The following STK32B variants were observed in gnomAD, a reference collection of about 807,000 sequenced individuals.
The protein encoded by STK32B is serine/threonine-protein kinase 32B.
STK32B carries 43 observed loss-of-function variants against 52.6 expected under a neutral mutation model. The ratio of observed to expected loss-of-function variants is 0.82; its 90% confidence interval spans 0.64 to 1.05. The LOEUF is 1.05. Ranked by LOEUF, STK32B falls within the 50% of genes least tolerant of loss-of-function variation. The probability of loss-of-function intolerance (pLI) is 0.00; values close to 1 mark genes in which losing one functional copy is unlikely to be tolerated. For synonymous variants in STK32B, 238 were observed against 204.3 expected (o/e 1.17, Z -1.41); for missense variants, 621 against 534.6 (o/e 1.16, Z -1.59).
intron 3 of STK32B, among the ~76,000 whole-genome samples, chr4:5,276,491 C>T (rs1280652942): frequency 2.0e-5 from 3 of 151,998 alleles, no homozygotes; most frequent in African/African-American, 4.8e-5. Context: ...TGTGATGTTT[C>T]CAGTGTCTCT....
At chr4:5,124,269 G>C (rs551292326) in intron 1 of STK32B, among the ~76,000 whole-genome samples, 3 of 152,288 alleles carry the variant, frequency 2.0e-5, no homozygotes, top group Non-Finnish European at 2.9e-5. Flanking sequence ...GTGAGCAAAA[G>C]GTTTCACTGG....
chr4:5,249,284 G>C (rs907702807), intron 3 of STK32B, among the ~76,000 whole-genome samples: 10 of 152,080 alleles, frequency 6.6e-5, no homozygotes, highest in African/African-American at 2.4e-4. Flanking sequence ...GATATATATA[G>C]AACGGGGTTC....
chr4:5,208,130 C>G (rs573967214), intron 3 of STK32B, among the ~76,000 whole-genome samples: 1 of 152,090 alleles, frequency 6.6e-6, no homozygotes, highest in Non-Finnish European at 1.5e-5. Flanking sequence ...CTCTGCTCAC[C>G]AGGTGATTCA....
At chr4:5,341,644 G>C (rs1041976952) in intron 4 of STK32B, among the ~76,000 whole-genome samples, 1 of 152,180 alleles carries the variant, frequency 6.6e-6, no homozygotes, top group Non-Finnish European at 1.5e-5. Flanking sequence ...ATGAGACTGA[G>C]TAATTTATAA....
intron 3 of STK32B, among the ~76,000 whole-genome samples, chr4:5,313,139 C>A (rs925480520): frequency 6.7e-6 from 1 of 150,294 alleles, no homozygotes; most frequent in African/African-American, 2.4e-5. Context: ...TTTGCTCCAA[C>A]CTATTATCAA....
At chr4:5,166,995 A>AAGGAACCAATACAG (rs1577131339) in intron 2 of STK32B, among the ~76,000 whole-genome samples, 5 of 152,244 alleles carry the variant, frequency 3.3e-5, no homozygotes, top group South Asian at 2.1e-4. Flanking sequence ...CTAACTGTCC[A>AAGGAACCAATACAG]TGCCACATGT....
Position 5,454,430 on chromosome 4 carries a change from T to C in STK32B, c.667-2377T>C, listed in dbSNP as rs557509286. 3.3e-5 allele frequency among the ~76,000 whole-genome samples: 5 copies of C among 152,222 alleles called. No individual in the cohort carries two copies. In the East Asian group the frequency reaches 9.7e-4, roughly 29 times the overall value. ...GGATGGCTGTCTTGTTCACATCGTC[T>C]TTCCTCTATGTGTCTTTCTGTGCCA... is the stretch of plus-strand genomic sequence containing the variant. On this transcript the variant is annotated intron_variant, in intron 7 of 11. Transcript: ENST00000282908.
intron 1 of STK32B, among the ~76,000 whole-genome samples, chr4:5,128,874 T>A (rs2108818891): frequency 6.6e-6 from 1 of 152,254 alleles, no homozygotes; most frequent in East Asian, 1.9e-4. Flanking sequence ...GCCATGAATG[T>A]TAGTATTGAC....
At chr4:5,057,449 G>A (rs923590622) in intron 1 of STK32B, among the ~76,000 whole-genome samples, 2 of 152,172 alleles carry the variant, frequency 1.3e-5, no homozygotes, top group African/African-American at 4.8e-5. Flanking sequence ...TCTGACTCTT[G>A]CATAGTGTGA....
At chr4:5,149,982 C>T (rs1717212226) in intron 2 of STK32B, among the ~76,000 whole-genome samples, 1 of 151,738 alleles carries the variant, frequency 6.6e-6, no homozygotes, top group Non-Finnish European at 1.5e-5. Context: ...AAGAATATTT[C>T]TACTGGATAC....
intron 1 of STK32B, among the ~76,000 whole-genome samples, chr4:5,054,330 G>A (rs1358407860): frequency 2.0e-5 from 3 of 152,150 alleles, no homozygotes; most frequent in Admixed American, 2.0e-4. Flanking sequence ...TATCCTGGAG[G>A]AGGGTCCCTA....
chr4:5,412,283 C>T (rs895817159), intron 5 of STK32B, among the ~76,000 whole-genome samples: 1 of 152,204 alleles, frequency 6.6e-6, no homozygotes, highest in African/African-American at 2.4e-5. Context: ...CTATAGTAAA[C>T]TTTCATTCTC....
chr4:5,383,228 T>C (rs983953909), intron 4 of STK32B, among the ~76,000 whole-genome samples: 2 of 152,148 alleles, frequency 1.3e-5, no homozygotes, highest in African/African-American at 4.8e-5. Flanking sequence ...CCAGCTTGTC[T>C]GACTCCCACA....
chr4:5,189,365 G>C (rs1721004150), intron 3 of STK32B, among the ~76,000 whole-genome samples: 1 of 152,224 alleles, frequency 6.6e-6, no homozygotes, highest in Non-Finnish European at 1.5e-5. Flanking sequence ...TGTTTTCAGA[G>C]TTGTGCCTTG....
chr4:5,202,322 G>T (rs62298536), intron 3 of STK32B, among the ~76,000 whole-genome samples: 14,811 of 152,264 alleles, frequency 0.097, 875 homozygotes, highest in Non-Finnish European at 0.13. Flanking sequence ...GCCTTGGGCC[G>T]CTCTGCCCCT....
intron 1 of STK32B, among the ~76,000 whole-genome samples, chr4:5,119,638 C>T (rs978175312): frequency 6.6e-6 from 1 of 152,204 alleles, no homozygotes; most frequent in African/African-American, 2.4e-5. Flanking sequence ...ATTTGTGTTA[C>T]GACTGGTGCA....
the STK32B span, among the ~76,000 whole-genome samples, chr4:5,025,656 T>C: frequency 6.6e-6 from 1 of 152,204 alleles, no homozygotes; most frequent in African/African-American, 2.4e-5. Context: ...TTTCTGTCCT[T>C]CTCTGTCTCA....
intron 2 of STK32B, among the ~76,000 whole-genome samples, chr4:5,162,430 G>A (rs1040683889): frequency 3.9e-5 from 6 of 152,132 alleles, no homozygotes; most frequent in South Asian, 2.1e-4. Context: ...TGTGACCACC[G>A]CGTGCAGGTG....
At chr4:5,324,353 CAAAAAA>C (rs1731733117) in intron 3 of STK32B, among the ~76,000 whole-genome samples, 3 of 152,000 alleles carry the variant, frequency 2.0e-5, no homozygotes, top group African/African-American at 7.2e-5. Context: ...GACTCCATCT[CAAAAAA>C]TAAAAATAAG....
Sources: gnomAD v4.1 joint callset for allele counts (sites outside exome capture counted in the v4.1 genomes callset) on GRCh38, gnomAD v4.1.1 for gene constraint, MANE v1.5 for transcripts, NCBI Gene and HGNC (gene_info 2026-07-23, HGNC 2026-07-21) for gene names.